Variants in ARID1A observed in about 807,000 individuals in gnomAD.
The protein encoded by ARID1A is AT-rich interactive domain-containing protein 1A.
In ARID1A, 20 loss-of-function variants were observed where a neutral mutation model predicts 212.6. That is an observed-to-expected ratio of 0.09 (90% confidence interval 0.07 to 0.14). The LOEUF is 0.14. Ranked by LOEUF, ARID1A falls within the 10% of genes least tolerant of loss-of-function variation. ARID1A has a pLI of 1.00. For synonymous variants in ARID1A, 1,376 were observed against 1,222.1 expected (o/e 1.13, Z -2.63); for missense variants, 2,587 against 3,059.0 (o/e 0.85, Z 3.64).
chr1:26,697,333 C>A lies in ARID1A; in HGVS notation c.930C>A (p.Gly310=). The A allele has an allele frequency of 7.5e-7, 1 of 1,336,308 alleles. No individual in the cohort carries two copies. The highest frequency in any genetic ancestry group is 9.5e-7 in the Non-Finnish European group (1 of 1,050,298). 82.8% of individuals were successfully genotyped at this position (1,336,308 alleles called of 1,614,324 possible). ...TSPSSARGYQ[G]YPGGDYSGGP... ...CCAGCTCGGCCCGGGGCTACCAGGG[C>A]TACCCCGGGGGCGACTACAGTGGCG... Residue 310 remains glycine, a synonymous_variant, in exon 1 of 20, where the codon GGC becomes GGA. Transcript: ENST00000324856.
At chr1:26,749,008 AC>A (rs2080862039) in intron 4 of ARID1A, among the ~76,000 whole-genome samples, 1 of 152,122 alleles carries the variant, frequency 6.6e-6, no homozygotes, top group African/African-American at 2.4e-5. Context: ...ACTAAAAAAT[AC>A]AAAAAATTAG....
chr1:26,748,768 C>G (rs924435979), intron 4 of ARID1A, among the ~76,000 whole-genome samples: 1 of 151,946 alleles, frequency 6.6e-6, no homozygotes, highest in Non-Finnish European at 1.5e-5. Flanking sequence ...ATTATACAGG[C>G]CTGATGGGGA....
chr1:26,732,741 A>C lies in ARID1A; in HGVS notation c.1869A>C (p.Gly623=), dbSNP rs1302863484. ...CCCCCTCAATGACCTCCAGTAAGGG[A>C]GGGCAAGAAGATATGAACCTGAGCC... ...SSAPSMTSSK[G]GQEDMNLSLQ... The change falls in exon 4 of 20, where the codon GGA becomes GGC. Residue 623 remains glycine, a synonymous_variant. Coordinates refer to ENST00000324856, the MANE Select transcript of ARID1A (RefSeq NM_006015.6). 1 of 1,614,058 alleles carries C rather than the reference A, an allele frequency of 6.2e-7. No individual in the cohort carries two copies. Among genetic ancestry groups the C allele is most frequent in the Admixed American group, 1.7e-5 (1 of 60,016 alleles).
chr1:26,780,781 CG>C lies in ARID1A; in HGVS notation c.*26del. On this transcript the variant is annotated 3_prime_UTR_variant, in exon 20 of 20. Coordinates refer to ENST00000324856, the MANE Select transcript of ARID1A (RefSeq NM_006015.6). This position sits in a 1 kb window ranked among gnomAD's most constrained non-coding sequence, Gnocchi z 7.2. ...ACAGCCGTGGGACACCTCCCCCCCC[CG>C]TGTGTGTGTGCGTGTGTGGAGAACT... 6 of 1,539,956 alleles carry C rather than the reference CG, an allele frequency of 3.9e-6. No homozygotes were observed. Among genetic ancestry groups the C allele is most frequent in the Non-Finnish European group, 5.2e-6 (6 of 1,144,490 alleles).
intron 8 of ARID1A, 81 bp downstream of exon 8, chr1:26,763,366 C>A: frequency 7.0e-7 from 1 of 1,432,714 alleles, no homozygotes; most frequent in African/African-American, 1.4e-5. Context: ...TGCTTCTGGA[C>A]CTAAACCAGG....
At chr1:26,763,397 G>T (rs2081010644) in intron 8 of ARID1A, 112 bp downstream of exon 8, 3 of 1,243,000 alleles carry the variant, frequency 2.4e-6, no homozygotes, top group Non-Finnish European at 3.3e-6. Flanking sequence ...GGGTGTGTGT[G>T]TATGAAGTGT....
At chr1:26,728,712 C>T in intron 1 of ARID1A, among the ~76,000 whole-genome samples, 1 of 152,164 alleles carries the variant, frequency 6.6e-6, no homozygotes, top group African/African-American at 2.4e-5. Flanking sequence ...TACTCTCCAT[C>T]TTGTGTGTGT....
At chr1:26,717,217 T>G (rs2080512075) in intron 1 of ARID1A, among the ~76,000 whole-genome samples, 2 of 152,180 alleles carry the variant, frequency 1.3e-5, no homozygotes, top group Non-Finnish European at 2.9e-5. Context: ...ACTTGTGTGT[T>G]CATGTTTTTT....
At chr1:26,717,717 T>C (rs750073435) in intron 1 of ARID1A, among the ~76,000 whole-genome samples, 2 of 152,182 alleles carry the variant, frequency 1.3e-5, no homozygotes, top group Non-Finnish European at 2.9e-5. Flanking sequence ...ATCATATATA[T>C]AGTATGCTAG....
chr1:26,699,118 A>C (rs1219508203), intron 1 of ARID1A, among the ~76,000 whole-genome samples: 1 of 152,160 alleles, frequency 6.6e-6, no homozygotes, highest in Non-Finnish European at 1.5e-5. Flanking sequence ...GTCATTTTAG[A>C]GCTTTGAAAT....
chr1:26,720,093 A>G (rs534086775), intron 1 of ARID1A, among the ~76,000 whole-genome samples: 1 of 151,730 alleles, frequency 6.6e-6, no homozygotes, highest in African/African-American at 2.4e-5. Flanking sequence ...GCTACTAAAA[A>G]TACAAAAATT....
At chr1:26,754,082 CAGGCA>C in intron 4 of ARID1A, among the ~76,000 whole-genome samples, 1 of 152,340 alleles carries the variant, frequency 6.6e-6, no homozygotes, top group South Asian at 2.1e-4. Context: ...GCTGGGATTA[CAGGCA>C]TGAGCCACCA....
chr1:26,779,253 TGAG>T lies in ARID1A; in HGVS notation c.5359_5361del (p.Glu1787del). ...AAGAAGAGGAAGTAGTTGAAAATGA[TGAG>T]GAGATAGCCTTTTCAGGCAAGGACA... On this transcript the variant is annotated inframe_deletion, in exon 20 of 20. Coordinates refer to ENST00000324856, the MANE Select transcript of ARID1A (RefSeq NM_006015.6). The T allele has an allele frequency of 1.2e-6, 2 of 1,614,116 alleles. No homozygotes were observed. The highest frequency in any genetic ancestry group is 2.2e-5 in the East Asian group (1 of 44,890).
rs1384858724 is a variant in ARID1A at position 26,726,164 on chromosome 1, G to GT, written c.1138-3478dup. Among the ~76,000 whole-genome samples, 476 of 122,352 alleles carry GT rather than the reference G, an allele frequency of 3.9e-3. 2 individuals carry two copies. Among genetic ancestry groups the GT allele is most frequent in the Admixed American group, 6.2e-3 (76 of 12,298 alleles). 80.3% of individuals were successfully genotyped at this position (122,352 alleles called of 152,430 possible). A position where few individuals can be genotyped will look rare whatever the true frequency, so the allele number is the denominator to read the frequency against. ...AGTCACTGCGCCCAGCCTTGGGTTT[G>GT]TTTTTTTTTGTTTTTTTTTTTTTTT... On this transcript the variant is annotated intron_variant, in intron 1 of 19. Coordinates refer to ENST00000324856, the MANE Select transcript of ARID1A (RefSeq NM_006015.6).
At position 26,697,529 on chromosome 1, in the gene ARID1A, C is replaced by T. The variant is rs1018092020; in HGVS notation, c.1126C>T (p.Arg376Trp). Residue 376 changes from arginine (R) to tryptophan (W), a missense_variant, in exon 1 of 20, where the codon CGG (arginine) becomes TGG (tryptophan). Coordinates refer to ENST00000324856, the MANE Select transcript of ARID1A (RefSeq NM_006015.6). ...CGGCGGCGGGGGGCAGCCGCTCGCC[C>T]GGACCCCTCAGGTACACAGCTGAGT... ...SSGGGGQPLA[R>W]TPQPSSPMDQ... 1.2e-5 allele frequency: 17 copies of T among 1,390,538 alleles called. No individual in the cohort carries two copies. In the Admixed American group the frequency reaches 5.3e-4, roughly 44 times the overall value. The allele number at this position is 1,390,538 out of a possible 1,614,324, so 86.1% of individuals were successfully genotyped here.
intron 13 of ARID1A, 66 bp from the exon 14 acceptor site, chr1:26,772,746 C>T (rs1388746198): frequency 5.6e-6 from 9 of 1,605,708 alleles, no homozygotes; most frequent in South Asian, 2.2e-5. Flanking sequence ...GTGACTCCTG[C>T]GTGTCCTTTG....
chr1:26,774,974 C>G lies in ARID1A; in HGVS notation c.4747C>G (p.Pro1583Ala), dbSNP rs960568198. The G allele has an allele frequency of 1.3e-6, 2 of 1,527,592 alleles. No individual in the cohort carries two copies. 94.6% of individuals were successfully genotyped at this position (1,527,592 alleles called of 1,614,324 possible). The change falls in exon 18 of 20, where the codon CCT becomes GCT. Residue 1583 changes from proline to alanine, a missense_variant. Pro to Ala is a conservative substitution (Grantham distance 27, BLOSUM62 -1). Around this residue, in one of 11 missense-constraint regions of ARID1A, gnomAD observed 890 missense variants for 1,098.2 expected, o/e 0.81. Transcript: ENST00000324856. The surrounding 1 kb of genome is among the most constrained non-coding windows in gnomAD (Gnocchi z 5.6). ...CCCACCAAGCATGCAGAATCACATTCCTCAGGTATCCAGCCCTGCTCCCCT... is the reference window on the plus strand; with the variant it reads ...CCCACCAAGCATGCAGAATCACATTGCTCAGGTATCCAGCCCTGCTCCCCT... ...QPPPSMQNHI[P>A]QVSSPAPLPR...
intron 4 of ARID1A, among the ~76,000 whole-genome samples, chr1:26,733,637 A>G (rs2080701572): frequency 1.3e-5 from 2 of 152,148 alleles, no homozygotes; most frequent in South Asian, 4.1e-4. Context: ...TGGGCAAGTT[A>G]CTCAGCCTCT....
chr1:26,775,079 C>A lies in ARID1A; in HGVS notation c.4852C>A (p.Pro1618Thr). Residue 1618 changes from proline (P) to threonine (T), a missense_variant, in exon 18 of 20, where the codon CCC becomes ACC. Coordinates refer to ENST00000324856, the MANE Select transcript of ARID1A (RefSeq NM_006015.6). ...HSGMKMQKAG[P>T]PVPASHIAPA... is the part of the protein sequence containing the mutation. ...TGGGATGAAAATGCAGAAGGCAGGTCCCCCAGTACCTGCCTCGCACATAGC... is the reference window on the plus strand; with the variant it reads ...TGGGATGAAAATGCAGAAGGCAGGTACCCCAGTACCTGCCTCGCACATAGC... 2 of 1,613,304 alleles carry A rather than the reference C, an allele frequency of 1.2e-6. No individual in the cohort carries two copies. Among genetic ancestry groups the A allele is most frequent in the Non-Finnish European group, 1.7e-6 (2 of 1,179,720 alleles).
Sources: gnomAD v4.1 joint callset for allele counts (sites outside exome capture counted in the v4.1 genomes callset) on GRCh38, gnomAD v4.1.1 for gene constraint, gnomAD v4.1.1 regional missense constraint, Gnocchi (gnomAD v3.1) non-coding constraint, MANE v1.5 for transcripts, NCBI Gene and HGNC (gene_info 2026-07-23, HGNC 2026-07-21) for gene names.